The following GABRG3 variants were observed in gnomAD, a reference collection of about 807,000 sequenced individuals.
The protein encoded by GABRG3 is gamma-aminobutyric acid receptor subunit gamma-3.
GABRG3 carries 25 observed loss-of-function variants against 48.8 expected under a neutral mutation model. That is an observed-to-expected ratio of 0.51 (90% CI 0.37 to 0.72). GABRG3 has a LOEUF of 0.72. Ranked by LOEUF, GABRG3 falls within the 30% of genes least tolerant of loss-of-function variation. The pLI is 0.00. For synonymous variants in GABRG3, 227 were observed against 217.6 expected (o/e 1.04, Z -0.38); for missense variants, 394 against 577.9 (o/e 0.68, Z 3.26).
chr15:26,988,863 C>A (rs1187650867), intron 2 of GABRG3, among the ~76,000 whole-genome samples: 1 of 152,124 alleles, frequency 6.6e-6, no homozygotes, highest in Non-Finnish European at 1.5e-5. Context: ...TATACCCTTT[C>A]AGCATGGCTG....
At chr15:27,049,235 T>C (rs1896415119) in intron 3 of GABRG3, among the ~76,000 whole-genome samples, 1 of 152,252 alleles carries the variant, frequency 6.6e-6, no homozygotes, top group Non-Finnish European at 1.5e-5. Flanking sequence ...CCACAAATTA[T>C]GTAGGCAGCC....
rs1490003331 is a variant in GABRG3 at position 26,971,450 on chromosome 15, A to AGAGGGCCGGCGGAGAC, written c.-85_-70dup. The AGAGGGCCGGCGGAGAC allele has an allele frequency of 1.8e-5, 21 of 1,163,836 alleles. No homozygotes were observed. In the African/African-American group the frequency reaches 3.2e-4, roughly 18 times the overall value. 72.1% of individuals were successfully genotyped at this position (1,163,836 alleles called of 1,614,324 possible). A position where few individuals can be genotyped will look rare whatever the true frequency, so the allele number is the denominator to read the frequency against. The stretch of plus-strand genomic sequence containing the variant: ...GCAGCCTCGGAGGAAGCCAGGGCAA[A>AGAGGGCCGGCGGAGAC]GAGGGCCGGCGGAGACCAGGTCCGC... On this transcript the variant is annotated 5_prime_UTR_variant, in exon 1 of 10. Coordinates refer to ENST00000615808, the MANE Select transcript of GABRG3 (RefSeq NM_033223.5).
At chr15:27,398,127 A>G (rs367650107) in intron 5 of GABRG3, among the ~76,000 whole-genome samples, 3 of 152,020 alleles carry the variant, frequency 2.0e-5, no homozygotes, top group East Asian at 3.9e-4. Context: ...TTAGTATATA[A>G]TCTATACCAT....
At chr15:27,019,033 T>C (rs1412112880) in intron 2 of GABRG3, among the ~76,000 whole-genome samples, 3 of 147,708 alleles carry the variant, frequency 2.0e-5, no homozygotes, top group African/African-American at 7.4e-5. Context: ...CTAATCCCAT[T>C]GAAGTATTTG....
At chr15:27,474,265 C>T (rs564525249) in intron 5 of GABRG3, among the ~76,000 whole-genome samples, 2 of 152,000 alleles carry the variant, frequency 1.3e-5, no homozygotes, top group Non-Finnish European at 2.9e-5. Context: ...AAGGCCCAGA[C>T]CAAAATAATT....
At chr15:27,344,370 G>A (rs1206370618) in intron 5 of GABRG3, among the ~76,000 whole-genome samples, 1 of 152,196 alleles carries the variant, frequency 6.6e-6, no homozygotes, top group African/African-American at 2.4e-5. Context: ...GATGCAGGTT[G>A]TAAAGGTCAA....
intron 3 of GABRG3, among the ~76,000 whole-genome samples, chr15:27,141,086 T>C (rs1898094018): frequency 6.6e-6 from 1 of 152,158 alleles, no homozygotes; most frequent in African/African-American, 2.4e-5. Context: ...AGGTAGTGTT[T>C]TGGGTGGAAT....
intron 6 of GABRG3, among the ~76,000 whole-genome samples, chr15:27,511,668 G>T (rs564102472): frequency 6.6e-6 from 1 of 152,320 alleles, no homozygotes; most frequent in Admixed American, 6.5e-5. Flanking sequence ...GTGTCATCAC[G>T]GAACTTGTAT....
chr15:27,332,609 T>C (rs1300402741), intron 5 of GABRG3, among the ~76,000 whole-genome samples: 1 of 152,206 alleles, frequency 6.6e-6, no homozygotes, highest in Non-Finnish European at 1.5e-5. Context: ...TGCAATGTCC[T>C]GGTATTTTTC....
rs138826376 is a variant in GABRG3, at chr15:27,206,771, T to C, written c.271-120038T>C. Among the ~76,000 whole-genome samples, 363 of 152,322 alleles carry C rather than the reference T, an allele frequency of 2.4e-3. 1 individual carries two copies. Among genetic ancestry groups the C allele is most frequent in the Non-Finnish European group, 4.5e-3 (304 of 68,022 alleles). ...CATATATATTTAGGATAGTTAAGTG[T>C]TTTTATTGAATGGAACCCTTTATTA... On this transcript the variant is annotated intron_variant, in intron 3 of 9. Coordinates refer to ENST00000615808, the MANE Select transcript of GABRG3 (RefSeq NM_033223.5).
At chr15:27,163,890 A>G (rs898956934) in intron 3 of GABRG3, among the ~76,000 whole-genome samples, 2 of 152,126 alleles carry the variant, frequency 1.3e-5, no homozygotes, top group Non-Finnish European at 2.9e-5. Context: ...TCTTCTTGGC[A>G]TCTCTCCCCT....
At chr15:27,332,143 C>T (rs1359154809) in intron 5 of GABRG3, among the ~76,000 whole-genome samples, 1 of 152,188 alleles carries the variant, frequency 6.6e-6, no homozygotes, top group Non-Finnish European at 1.5e-5. Flanking sequence ...GCATCTAAAT[C>T]AGTTTGGTAC....
chr15:27,273,556 G>A (rs970819000), intron 3 of GABRG3, among the ~76,000 whole-genome samples: 5 of 152,210 alleles, frequency 3.3e-5, no homozygotes, highest in South Asian at 2.1e-4. Flanking sequence ...GGCTCAAGGC[G>A]CAGAAGTCGT....
intron 3 of GABRG3, among the ~76,000 whole-genome samples, chr15:27,313,873 A>G (rs1893115806): frequency 6.6e-6 from 1 of 152,108 alleles, no homozygotes; most frequent in Non-Finnish European, 1.5e-5. Flanking sequence ...TTAAAAAGGA[A>G]TAAATACCTG....
intron 3 of GABRG3, among the ~76,000 whole-genome samples, chr15:27,044,537 C>CA (rs1234690722): frequency 6.6e-6 from 1 of 152,074 alleles, no homozygotes; most frequent in African/African-American, 2.4e-5. Flanking sequence ...AAAATATTTG[C>CA]ATGAATGAAG....
chr15:27,336,260 AAAG>A (rs1893971378), intron 5 of GABRG3, among the ~76,000 whole-genome samples: 1 of 151,066 alleles, frequency 6.6e-6, no homozygotes, highest in African/African-American at 2.4e-5. Flanking sequence ...AAAGAAAAAG[AAAG>A]AAAGAAAGGA....
chr15:26,972,224 G>A (rs994816522), intron 1 of GABRG3, among the ~76,000 whole-genome samples: 12 of 152,242 alleles, frequency 7.9e-5, no homozygotes, highest in Middle Eastern at 3.4e-3. Flanking sequence ...AAGCACGCAT[G>A]TCGAAATGGA....
intron 6 of GABRG3, chr15:27,481,387 T>C: frequency 1.8e-6 from 1 of 542,844 alleles, no homozygotes; most frequent in Non-Finnish European, 2.3e-6. Context: ...CTTATGTTGT[T>C]TTTTGCTTTG....
At chr15:27,527,777 A>G (rs1891315591) in intron 8 of GABRG3, 148 bp downstream of exon 8, 1 of 1,023,908 alleles carries the variant, frequency 9.8e-7, no homozygotes, top group Non-Finnish European at 1.4e-6. Context: ...CCAGACAGGG[A>G]TTCTGAAGAT....
Sources: allele counts gnomAD v4.1 joint callset (sites outside exome capture counted in the v4.1 genomes callset), GRCh38; gene constraint gnomAD v4.1.1; transcripts MANE v1.5; gene names NCBI Gene and HGNC (gene_info 2026-07-23, HGNC 2026-07-21).